CNTNAP2: variants seen among roughly 807,000 people sequenced by gnomAD.
CNTNAP2 encodes the protein contactin-associated protein-like 2.
A neutral mutation model predicts 155.2 loss-of-function variants in CNTNAP2; 98 were observed. The ratio of observed to expected loss-of-function variants is 0.63; its 90% confidence interval spans 0.54 to 0.75. CNTNAP2 has a LOEUF of 0.75. CNTNAP2 is among the 30% of genes least tolerant of loss of function. The pLI is 0.00. For missense variants in CNTNAP2, 1,727 were observed against 1,688.1 expected (o/e 1.02, Z -0.40); for synonymous variants, 651 against 631.2 (o/e 1.03, Z -0.47).
chr7:148,360,903 A>C lies in CNTNAP2; in HGVS notation c.3476-22746A>C, dbSNP rs542096172. Among the ~76,000 whole-genome samples, 5 of 148,688 alleles carry C rather than the reference A, an allele frequency of 3.4e-5. No individual in the cohort carries two copies. In the South Asian group the frequency reaches 8.6e-4, roughly 26 times the overall value. On this transcript the variant is annotated intron_variant, in intron 21 of 23. Transcript: ENST00000361727. The stretch of plus-strand genomic sequence containing the variant: ...TGGCTCACTGCAACCTCTGCCCCCC[A>C]GATTCAAGTGATCTCCTGCCTCAGC...
At chr7:147,985,987 C>T (rs1362533976) in intron 15 of CNTNAP2, among the ~76,000 whole-genome samples, 1 of 152,106 alleles carries the variant, frequency 6.6e-6, no homozygotes, top group East Asian at 1.9e-4. Context: ...TTCCTAGACC[C>T]CTCATTTCCT....
At chr7:147,002,944 C>CAAAAAAAAAAAAAAAAAAAA in intron 3 of CNTNAP2, among the ~76,000 whole-genome samples, 1 of 52,940 alleles carries the variant, frequency 1.9e-5, no homozygotes, top group Non-Finnish European at 3.9e-5. Flanking sequence ...ATGTTCCTTC[C>CAAAAAAAAAAAAAAAAAAAA]AAAAAAAAAA....
chr7:147,035,650 A>G lies in CNTNAP2; in HGVS notation c.403-8257A>G, dbSNP rs540097112. On this transcript the variant is annotated intron_variant, in intron 3 of 23. Coordinates refer to ENST00000361727, the MANE Select transcript of CNTNAP2 (RefSeq NM_014141.6). ...GTCAGTAGCGAAAAGCTCTTCCTAG[A>G]TTTAGTTACACAATAGCTAATTGTT... is the stretch of plus-strand genomic sequence containing the variant. Among the ~76,000 whole-genome samples, 10 of 152,284 alleles carry G rather than the reference A, an allele frequency of 6.6e-5. No homozygotes were observed. In the South Asian group the frequency reaches 2.1e-3, roughly 32 times the overall value.
At chr7:146,984,096 G>T (rs1584765579) in intron 3 of CNTNAP2, among the ~76,000 whole-genome samples, 1 of 151,930 alleles carries the variant, frequency 6.6e-6, no homozygotes, top group Non-Finnish European at 1.5e-5. Context: ...GGCCAGGCGC[G>T]GTGGCTCATG....
chr7:147,903,502 G>A, intron 13 of CNTNAP2, 63 bp from the exon 14 acceptor site: 1 of 1,552,720 alleles, frequency 6.4e-7, no homozygotes, highest in Admixed American at 1.7e-5. Context: ...GTGGGTGTAA[G>A]TGTGGCAGTC....
intron 1 of CNTNAP2, among the ~76,000 whole-genome samples, chr7:146,414,931 G>T (rs1164568981): frequency 6.6e-6 from 1 of 152,126 alleles, no homozygotes; most frequent in African/African-American, 2.4e-5. Flanking sequence ...CTTTTGGGGG[G>T]AATAGGGTGG....
chr7:146,222,606 G>A (rs1799225108), intron 1 of CNTNAP2, among the ~76,000 whole-genome samples: 1 of 151,662 alleles, frequency 6.6e-6, no homozygotes, highest in Admixed American at 6.6e-5. Flanking sequence ...ATATGTGCAT[G>A]TGTATGCATA....
intron 13 of CNTNAP2, among the ~76,000 whole-genome samples, chr7:147,899,358 T>C (rs2116743743): frequency 6.6e-6 from 1 of 151,804 alleles, no homozygotes; most frequent in East Asian, 2.0e-4. Flanking sequence ...AAATAAAATA[T>C]AAAGTAGTCA....
chr7:146,566,424 T>C (rs2129145163), intron 1 of CNTNAP2, among the ~76,000 whole-genome samples: 1 of 152,342 alleles, frequency 6.6e-6, no homozygotes, highest in African/African-American at 2.4e-5. Flanking sequence ...GAAGCGCTTT[T>C]ATCTTGGAAG....
At chr7:146,880,357 A>G (rs1379171398) in intron 3 of CNTNAP2, among the ~76,000 whole-genome samples, 3 of 152,030 alleles carry the variant, frequency 2.0e-5, no homozygotes, top group Admixed American at 6.6e-5. Context: ...CCAAGAAGGT[A>G]GCCACCTGTA....
intron 8 of CNTNAP2, among the ~76,000 whole-genome samples, chr7:147,290,330 G>T (rs968231769): frequency 8.5e-5 from 13 of 152,150 alleles, no homozygotes; most frequent in African/African-American, 3.1e-4. Flanking sequence ...GAGCACTTCA[G>T]TACTATGTCA....
chr7:147,779,265 T>C (rs1244660297), intron 13 of CNTNAP2, among the ~76,000 whole-genome samples: 1 of 152,204 alleles, frequency 6.6e-6, no homozygotes, highest in African/African-American at 2.4e-5. Context: ...CACTTAGTAT[T>C]TATGGGCATC....
At chr7:146,311,128 G>T (rs1388952605) in intron 1 of CNTNAP2, among the ~76,000 whole-genome samples, 1 of 152,170 alleles carries the variant, frequency 6.6e-6, no homozygotes, top group African/African-American at 2.4e-5. Flanking sequence ...GTCAGATATT[G>T]TTATATTGAT....
chr7:147,861,752 A>G lies in CNTNAP2; in HGVS notation c.2099-41813A>G, dbSNP rs983467036. ...AAGACATTACCAAGTGTGGTGGCTCATGGCTGTAATCCCAGCACTTTGGGA... is the reference window on the plus strand; with the variant it reads ...AAGACATTACCAAGTGTGGTGGCTCGTGGCTGTAATCCCAGCACTTTGGGA... On this transcript the variant is annotated intron_variant, in intron 13 of 23. Coordinates refer to ENST00000361727, the MANE Select transcript of CNTNAP2 (RefSeq NM_014141.6). Among the ~76,000 whole-genome samples the G allele has an allele frequency of 9.2e-5, 14 of 152,282 alleles. No individual in the cohort carries two copies. In the South Asian group the frequency reaches 1.0e-3, roughly 11 times the overall value.
intron 1 of CNTNAP2, among the ~76,000 whole-genome samples, chr7:146,320,003 C>G (rs184169975): frequency 1.3e-5 from 2 of 151,156 alleles, no homozygotes; most frequent in African/African-American, 2.5e-5. Flanking sequence ...TCGCCCCCCC[C>G]ACCCCAGTTT....
At chr7:146,328,819 C>T (rs754984960) in intron 1 of CNTNAP2, among the ~76,000 whole-genome samples, 15 of 152,162 alleles carry the variant, frequency 9.9e-5, no homozygotes, top group Non-Finnish European at 1.9e-4. Flanking sequence ...TTATTTCACT[C>T]AGCACAATGT....
chr7:147,792,651 C>G, intron 13 of CNTNAP2, among the ~76,000 whole-genome samples: 1 of 152,088 alleles, frequency 6.6e-6, no homozygotes, highest in East Asian at 1.9e-4. Flanking sequence ...ATTAATAATG[C>G]TTCTATGACC....
intron 1 of CNTNAP2, among the ~76,000 whole-genome samples, chr7:146,184,170 A>G (rs1315660544): frequency 1.3e-5 from 2 of 152,234 alleles, no homozygotes; most frequent in African/African-American, 2.4e-5. Flanking sequence ...TATAAGTATG[A>G]GGAACTTAGG....
At chr7:147,140,432 C>G (rs1375537207) in intron 8 of CNTNAP2, among the ~76,000 whole-genome samples, 1 of 151,920 alleles carries the variant, frequency 6.6e-6, no homozygotes, top group Non-Finnish European at 1.5e-5. Flanking sequence ...TATTTTTAAC[C>G]CTGACATGGT....
Sources: allele counts gnomAD v4.1 joint callset (sites outside exome capture counted in the v4.1 genomes callset), GRCh38; gene constraint gnomAD v4.1.1; transcripts MANE v1.5; gene names NCBI Gene and HGNC (gene_info 2026-07-23, HGNC 2026-07-21).